The following UTP20 variants were observed in gnomAD, a reference collection of about 807,000 sequenced individuals.
UTP20 encodes small subunit processome component 20 homolog.
Under a neutral mutation model 329.5 loss-of-function variants are expected in UTP20, and 164 were observed. The observed-to-expected ratio is 0.50, with a 90% CI of 0.44 to 0.57. UTP20 has a LOEUF of 0.57. Among genes scored for constraint, UTP20 ranks in the 20% least tolerant of loss-of-function variants. The pLI is 0.00. For synonymous variants in UTP20, 1,151 were observed against 1,159.3 expected (o/e 0.99, Z 0.14); for missense variants, 3,055 against 3,284.2 (o/e 0.93, Z 1.71).
At chr12:101,284,419 A>G (rs528363556) in intron 2 of UTP20, among the ~76,000 whole-genome samples, 7 of 152,130 alleles carry the variant, frequency 4.6e-5, no homozygotes, top group Non-Finnish European at 8.8e-5. Context: ...AAAGGACACG[A>G]TTTCATTCTT....
intron 49 of UTP20, 70 bp from the exon 50 acceptor site, chr12:101,370,362 G>T: frequency 6.5e-7 from 1 of 1,531,802 alleles, no homozygotes; most frequent in Non-Finnish European, 8.9e-7. Context: ...GTTGTGTTAA[G>T]TCCTTGTCAT....
intron 19 of UTP20, among the ~76,000 whole-genome samples, chr12:101,311,004 A>G (rs1872772808): frequency 1.3e-5 from 2 of 152,206 alleles, no homozygotes; most frequent in Non-Finnish European, 2.9e-5. Flanking sequence ...TTCTTTAATT[A>G]CTGAATGCCA....
chr12:101,329,442 G>A lies in UTP20; in HGVS notation c.3410G>A (p.Arg1137Gln), dbSNP rs757382700. Residue 1137 changes from arginine to glutamine, a missense_variant, in exon 27 of 62, where the codon CGA (arginine) becomes CAA (glutamine). Coordinates refer to ENST00000261637, the MANE Select transcript of UTP20 (RefSeq NM_014503.3). ...TATVSHILDQ[R>Q]EKIQLRFINP... ...ACCGTATCACACATCCTTGACCAAC[G>A]AGAAAAGGTTAGATTCACTATAGAT... 1 of 1,611,618 alleles carries A rather than the reference G, an allele frequency of 6.2e-7. No individual in the cohort carries two copies. The highest frequency in any genetic ancestry group is 1.1e-5 in the South Asian group (1 of 91,030).
intron 23 of UTP20, among the ~76,000 whole-genome samples, chr12:101,320,342 G>A (rs1428966216): frequency 6.6e-6 from 1 of 152,090 alleles, no homozygotes; most frequent in Non-Finnish European, 1.5e-5. Context: ...GATCACCTGA[G>A]CTCAGGAGTT....
At chr12:101,334,331 C>A (rs1236006958) in intron 28 of UTP20, 94 bp from the exon 29 acceptor site, 1 of 1,028,872 alleles carries the variant, frequency 9.7e-7, no homozygotes, top group Non-Finnish European at 1.4e-6. Flanking sequence ...TCTTTTTCAT[C>A]CTGTGCTGTG....
At position 101,352,118 on chromosome 12, in the gene UTP20, T is replaced by A; in HGVS notation, c.4948T>A (p.Ser1650Thr). ...AGCCATTTGCAAACATCTCTCTTGG[T>A]CAGCGTATATGTATTACTTGAAACA... ...IGAICKHLSW[S>T]AYMYYLKHFI... The change falls in exon 39 of 62, where the codon TCA (serine) becomes ACA (threonine). Residue 1650 changes from serine (S) to threonine (T), a missense_variant. This residue lies in a region of UTP20 where 2,445 missense variants were observed against 2,575.5 expected (regional missense o/e 0.95). Transcript: ENST00000261637. 6.2e-7 allele frequency: 1 copy of A among 1,614,054 alleles called. No homozygotes were observed. Among genetic ancestry groups the A allele is most frequent in the Non-Finnish European group, 8.5e-7 (1 of 1,179,994 alleles).
chr12:101,356,428 T>TTCTTTC, intron 41 of UTP20, 126 bp from the exon 42 acceptor site: 3 of 971,630 alleles, frequency 3.1e-6, no homozygotes, highest in Non-Finnish European at 4.4e-6. Flanking sequence ...ACCCAGCCTT[T>TTCTTTC]TCTTTCTTCT....
At chr12:101,285,450 AAGG>A (rs1871929179) in intron 2 of UTP20, 117 bp from the exon 3 acceptor site, 2 of 1,100,412 alleles carry the variant, frequency 1.8e-6, no homozygotes, top group African/African-American at 3.2e-5. Flanking sequence ...AAAAAACTAA[AAGG>A]AGTTCTTAAA....
chr12:101,340,144 G>A (rs1869070888), intron 31 of UTP20, among the ~76,000 whole-genome samples: 1 of 152,150 alleles, frequency 6.6e-6, no homozygotes, highest in Non-Finnish European at 1.5e-5. Context: ...TATCATGGGT[G>A]TTAAATTGAA....
intron 2 of UTP20, among the ~76,000 whole-genome samples, chr12:101,283,370 T>C (rs1201120512): frequency 1.3e-5 from 2 of 152,170 alleles, no homozygotes; most frequent in Non-Finnish European, 2.9e-5. Flanking sequence ...TGGCAGAATC[T>C]TTTCAATAGA....
At chr12:101,369,692 T>G in intron 48 of UTP20, 29 bp from the exon 49 acceptor site, 1 of 1,199,622 alleles carries the variant, frequency 8.3e-7, no homozygotes, top group East Asian at 2.3e-5. Context: ...ACATCACAAG[T>G]TGGTGGTGTT....
rs1214716769 is a variant in UTP20 at position 101,355,030 on chromosome 12, A to C, written c.5306A>C (p.Lys1769Thr). ...TKPVSFLPQN[K>T]EEIERTIKNI... ...CCTGTCTCTTTCCTTCCTCAAAACA[A>C]GGAAGAAATAGAGAGAACAATTAAA... is the stretch of plus-strand genomic sequence containing the variant. Residue 1769 changes from lysine (K) to threonine (T), a missense_variant, in exon 41 of 62, where the codon AAG becomes ACG. Coordinates refer to ENST00000261637, the MANE Select transcript of UTP20 (RefSeq NM_014503.3). The C allele has an allele frequency of 6.2e-7, 1 of 1,614,220 alleles. No homozygotes were observed.
chr12:101,282,413 A>T (rs571972823), intron 2 of UTP20, among the ~76,000 whole-genome samples: 1 of 152,162 alleles, frequency 6.6e-6, no homozygotes, highest in Admixed American at 6.5e-5. Flanking sequence ...TGCATGTCAC[A>T]TTCAAGAAAC....
intron 49 of UTP20, 108 bp downstream of exon 49, chr12:101,369,999 A>AACTCTTAG: frequency 9.0e-7 from 1 of 1,114,544 alleles, no homozygotes; most frequent in South Asian, 1.6e-5. Context: ...GGATTACTTG[A>AACTCTTAG]GCCTAAGAGT....
chr12:101,382,018 C>CAAA (rs756789889), intron 58 of UTP20, among the ~76,000 whole-genome samples: 19,839 of 107,022 alleles, frequency 0.19, 3,075 homozygotes, highest in East Asian at 0.48. Context: ...GACTCTGTAT[C>CAAA]AAAAAAAAAA....
At chr12:101,339,949 A>G (rs11110756) in intron 31 of UTP20, among the ~76,000 whole-genome samples, 1,582 of 152,320 alleles carry the variant, frequency 0.01, 10 homozygotes, top group Middle Eastern at 0.027. Context: ...AAATCATACT[A>G]ATACACTCAT....
intron 27 of UTP20, among the ~76,000 whole-genome samples, chr12:101,331,265 A>G (rs1868748807): frequency 1.3e-5 from 2 of 152,198 alleles, no homozygotes; most frequent in Non-Finnish European, 2.9e-5. Flanking sequence ...CCCAATGGGA[A>G]GGGTGGTTGG....
chr12:101,318,444 T>C (rs1873045097), intron 22 of UTP20, among the ~76,000 whole-genome samples: 1 of 152,188 alleles, frequency 6.6e-6, no homozygotes, highest in Admixed American at 6.5e-5. Context: ...CAGAGATAAA[T>C]TGTACAGAGC....
intron 27 of UTP20, 119 bp downstream of exon 27, chr12:101,329,568 G>A: frequency 2.1e-6 from 2 of 971,418 alleles, no homozygotes; most frequent in Non-Finnish European, 3.0e-6. Flanking sequence ...TTTGATCCCA[G>A]AACAAAGCCC....
Sources: allele counts gnomAD v4.1 joint callset (sites outside exome capture counted in the v4.1 genomes callset), GRCh38; gene constraint gnomAD v4.1.1; regional missense constraint gnomAD v4.1.1; transcripts MANE v1.5; gene names NCBI Gene and HGNC (gene_info 2026-07-23, HGNC 2026-07-21).